Variants in COBL observed in about 807,000 individuals in gnomAD.
COBL encodes protein cordon-bleu.
A neutral mutation model predicts 98.8 loss-of-function variants in COBL; 51 were observed. That is an observed-to-expected ratio of 0.52 (90% CI 0.41 to 0.65). The LOEUF (loss-of-function observed/expected upper bound fraction) is 0.65. COBL is among the 30% of genes least tolerant of loss of function. The pLI, the probability that COBL is intolerant of heterozygous loss-of-function variation, is 0.00. For missense variants in COBL, 1,617 were observed against 1,617.5 expected, an observed-to-expected ratio of 1.00 and a Z score of 0.01; for synonymous variants, 634 against 651.7, an observed-to-expected ratio of 0.97 and a Z score of 0.41.
intron 5 of COBL, among the ~76,000 whole-genome samples, chr7:51,167,963 CA>C (rs1162552125): frequency 1.3e-5 from 2 of 151,888 alleles, no homozygotes; most frequent in Non-Finnish European, 2.9e-5. Context: ...GAAACTACTA[CA>C]AAAAAAATTG....
intron 1 of COBL, among the ~76,000 whole-genome samples, chr7:51,300,804 G>T (rs1250117053): frequency 2.0e-5 from 3 of 152,044 alleles, no homozygotes; most frequent in Non-Finnish European, 4.4e-5. Context: ...AACCTTACTC[G>T]TTCCTGCCAT....
intron 1 of COBL, among the ~76,000 whole-genome samples, chr7:51,220,814 T>A (rs1253397978): frequency 2.0e-5 from 3 of 152,188 alleles, no homozygotes; most frequent in Non-Finnish European, 4.4e-5. Context: ...AAGTAGGCCC[T>A]GGTTCTGATG....
chr7:51,118,718 A>C (rs1583855930), intron 6 of COBL, among the ~76,000 whole-genome samples: 1 of 152,180 alleles, frequency 6.6e-6, no homozygotes, highest in South Asian at 2.1e-4. Flanking sequence ...TTGGAGGTTC[A>C]ATAACTTCCC....
chr7:51,164,866 T>C (rs931015172), intron 5 of COBL, among the ~76,000 whole-genome samples: 1 of 151,674 alleles, frequency 6.6e-6, no homozygotes, highest in Non-Finnish European at 1.5e-5. Context: ...AGTAAAAAAG[T>C]GGGGAGATGA....
chr7:51,287,495 T>C (rs1800481406), intron 1 of COBL, among the ~76,000 whole-genome samples: 1 of 152,184 alleles, frequency 6.6e-6, no homozygotes, highest in African/African-American at 2.4e-5. Context: ...CTGGTGAGGA[T>C]ACAAAGCAAT....
At chr7:51,275,148 T>A (rs1799179916) in intron 1 of COBL, among the ~76,000 whole-genome samples, 1 of 152,146 alleles carries the variant, frequency 6.6e-6, no homozygotes, top group African/African-American at 2.4e-5. Context: ...ATGTTTGTTC[T>A]GCTCTGCACA....
At chr7:51,142,014 C>T (rs1799797242) in intron 5 of COBL, among the ~76,000 whole-genome samples, 1 of 152,192 alleles carries the variant, frequency 6.6e-6, no homozygotes, top group Non-Finnish European at 1.5e-5. Context: ...GAGCCAAATC[C>T]TGAGCTGTCT....
chr7:51,295,847 G>T (rs796126518), intron 1 of COBL, among the ~76,000 whole-genome samples: 1 of 152,226 alleles, frequency 6.6e-6, no homozygotes, highest in African/African-American at 2.4e-5. Flanking sequence ...CCTCCTAAGT[G>T]ATCAATGAAA....
intron 7 of COBL, among the ~76,000 whole-genome samples, chr7:51,059,515 A>T (rs1791105708): frequency 6.6e-6 from 1 of 152,154 alleles, no homozygotes; most frequent in African/African-American, 2.4e-5. Context: ...TGCAATCTTA[A>T]GGCTTTGGGG....
intron 6 of COBL, among the ~76,000 whole-genome samples, chr7:51,089,670 A>G (rs925381016): frequency 2.0e-5 from 3 of 152,140 alleles, no homozygotes; most frequent in African/African-American, 7.2e-5. Flanking sequence ...TGTTAGCCAT[A>G]TATTTTCCTG....
chr7:51,278,357 G>A (rs180804862), intron 1 of COBL, among the ~76,000 whole-genome samples: 3 of 147,160 alleles, frequency 2.0e-5, no homozygotes, highest in African/African-American at 7.5e-5. Flanking sequence ...GGGGAGACAA[G>A]CATGCTATAT....
chr7:51,241,115 C>A (rs1035108167), intron 1 of COBL, among the ~76,000 whole-genome samples: 1 of 152,162 alleles, frequency 6.6e-6, no homozygotes, highest in Admixed American at 6.5e-5. Flanking sequence ...TAAACAAACA[C>A]GAGTGGGCAC....
intron 1 of COBL, among the ~76,000 whole-genome samples, chr7:51,230,199 C>A (rs576346928): frequency 6.6e-6 from 1 of 152,298 alleles, no homozygotes; most frequent in South Asian, 2.1e-4. Context: ...ACCACACCTG[C>A]AGCACACTGC....
chr7:51,026,697 G>A (rs766099224), intron 10 of COBL, 32 bp from the exon 11 acceptor site: 3 of 1,601,548 alleles, frequency 1.9e-6, no homozygotes, highest in Non-Finnish European at 2.6e-6. Flanking sequence ...ACATTTCACT[G>A]AGAACATGGA....
At chr7:51,279,537 T>A (rs1799618521) in intron 1 of COBL, among the ~76,000 whole-genome samples, 1 of 152,162 alleles carries the variant, frequency 6.6e-6, no homozygotes, top group Non-Finnish European at 1.5e-5. Flanking sequence ...TTGCCCGTAT[T>A]CCCTCTGACC....
At chr7:51,078,133 C>A (rs56219609) in intron 7 of COBL, among the ~76,000 whole-genome samples, 68,469 of 151,698 alleles carry the variant, frequency 0.45, 15,836 homozygotes, top group Middle Eastern at 0.62. Context: ...CTGACCCCAT[C>A]CCCGTCTGCC....
At chr7:51,027,317 A>G (rs1346442333) in intron 10 of COBL, among the ~76,000 whole-genome samples, 1 of 152,262 alleles carries the variant, frequency 6.6e-6, no homozygotes, top group Non-Finnish European at 1.5e-5. Context: ...CGCTGCTGCT[A>G]CAAATGCATA....
intron 5 of COBL, among the ~76,000 whole-genome samples, chr7:51,142,530 C>G (rs1004915585): frequency 6.6e-6 from 1 of 151,668 alleles, no homozygotes; most frequent in African/African-American, 2.4e-5. Context: ...ATTACAGGAG[C>G]GTGCCACCAC....
At chr7:51,294,643 C>CAAAAAAAAA (rs3047621) in intron 1 of COBL, among the ~76,000 whole-genome samples, 1 of 80,592 alleles carries the variant, frequency 1.2e-5, no homozygotes, top group South Asian at 4.7e-4. Context: ...AACTCCATCT[C>CAAAAAAAAA]AAAAAAAAAA....
Sources: allele counts gnomAD v4.1 joint callset (sites outside exome capture counted in the v4.1 genomes callset), GRCh38; gene constraint gnomAD v4.1.1; transcripts MANE v1.5; gene names NCBI Gene and HGNC (gene_info 2026-07-23, HGNC 2026-07-21).